Variants in HSD11B1 observed in about 807,000 individuals in gnomAD.
HSD11B1 encodes the protein 11-beta-hydroxysteroid dehydrogenase 1.
HSD11B1 carries 15 observed loss-of-function variants against 22.1 expected under a neutral mutation model. That is an observed-to-expected ratio of 0.68 (90% CI 0.45 to 1.04). The LOEUF (loss-of-function observed/expected upper bound fraction) is 1.04. Ranked by LOEUF, HSD11B1 falls within the 50% of genes least tolerant of loss-of-function variation. The probability of loss-of-function intolerance (pLI) is 0.00; values close to 1 mark genes in which losing one functional copy is unlikely to be tolerated. For missense variants in HSD11B1, 281 were observed against 357.6 expected (o/e 0.79, Z 1.73); for synonymous variants, 122 against 125.2 (o/e 0.97, Z 0.17).
chr1:209,697,893 T>TTC (rs1442552994), intron 1 of HSD11B1, among the ~76,000 whole-genome samples: 90 of 104,998 alleles, frequency 8.6e-4, no homozygotes, highest in African/African-American at 3.0e-3. Context: ...CCTTTTTTTT[T>TTC]TTTTTTTTTT....
At chr1:209,705,769 C>T (rs2076854838) in intron 1 of HSD11B1, 42 bp from the exon 2 acceptor site, 2 of 1,611,512 alleles carry the variant, frequency 1.2e-6, no homozygotes, top group African/African-American at 1.3e-5. Flanking sequence ...AATTTTGCTG[C>T]CAACTTGGGT....
intron 1 of HSD11B1, among the ~76,000 whole-genome samples, chr1:209,692,534 G>T (rs757674201): frequency 3.4e-5 from 5 of 146,524 alleles, no homozygotes; most frequent in South Asian, 2.1e-4. Flanking sequence ...GGCCAGGGTG[G>T]TCAGGCACCC....
intron 4 of HSD11B1, among the ~76,000 whole-genome samples, chr1:209,711,366 C>T (rs1053813729): frequency 6.6e-6 from 1 of 152,094 alleles, no homozygotes; most frequent in Non-Finnish European, 1.5e-5. Context: ...AGATTATGAA[C>T]GGGCCTCAGA....
In HSD11B1 at chr1:209,704,930, A is replaced by G; in HGVS notation, c.-13A>G. 6.2e-7 allele frequency: 1 copy of G among 1,610,974 alleles called. No homozygotes were observed. Among genetic ancestry groups the G allele is most frequent in the Middle Eastern group, 1.7e-4 (1 of 6,048 alleles). ...TGTGTCCTACAGGAGTCTTCAGGCC[A>G]GCTCCCTGTCGGATGGCTTTTATGA... On this transcript the variant is annotated 5_prime_UTR_variant, in exon 1 of 6. Transcript: ENST00000367027.
intron 4 of HSD11B1, among the ~76,000 whole-genome samples, chr1:209,709,132 G>C (rs2076878981): frequency 6.6e-6 from 1 of 152,142 alleles, no homozygotes; most frequent in Admixed American, 6.6e-5. Context: ...TTGATCTTAA[G>C]GTCAGCCAAA....
At chr1:209,719,019 CAA>C (rs56342028) in intron 4 of HSD11B1, among the ~76,000 whole-genome samples, 12 of 35,696 alleles carry the variant, frequency 3.4e-4, no homozygotes, top group African/African-American at 6.2e-4. Context: ...GACTCCATCT[CAA>C]AAAAAAAAAA....
intron 4 of HSD11B1, among the ~76,000 whole-genome samples, chr1:209,709,108 T>C (rs938370745): frequency 6.6e-6 from 1 of 152,236 alleles, no homozygotes; most frequent in Non-Finnish European, 1.5e-5. Context: ...AAATATGGGA[T>C]GCTAAACATC....
chr1:209,714,396 C>T (rs542551804), intron 4 of HSD11B1, among the ~76,000 whole-genome samples: 2 of 152,188 alleles, frequency 1.3e-5, no homozygotes, highest in South Asian at 2.1e-4. Context: ...GCTGTGCTCT[C>T]CTTAAAGGCA....
intron 4 of HSD11B1, among the ~76,000 whole-genome samples, chr1:209,727,631 G>A (rs905050745): frequency 9.9e-5 from 15 of 152,168 alleles, no homozygotes; most frequent in Non-Finnish European, 2.1e-4. Context: ...GTGTTCAAGA[G>A]TGTGGGCCAC....
At position 209,733,903 on chromosome 1, in the gene HSD11B1, C is replaced by T. The variant is rs1342025455; in HGVS notation, c.662-401C>T. ...CTCTTCCTTTTACAAGACAGTAAGT[C>T]ATTATCATACAGCACTCTGGTTTTT... On this transcript the variant is annotated intron_variant, in intron 5 of 5. Transcript: ENST00000367027. Among the ~76,000 whole-genome samples the T allele has an allele frequency of 5.3e-5, 8 of 152,160 alleles. No individual in the cohort carries two copies. The East Asian group carries it at 1.5e-3, about 29-fold the overall frequency.
rs758028477 is a variant in HSD11B1, at chr1:209,721,469, C to CAG, written c.518-10966_518-10965insGA. Among the ~76,000 whole-genome samples, 6 of 101,822 alleles carry CAG rather than the reference C, an allele frequency of 5.9e-5. No individual in the cohort carries two copies. The Admixed American group carries it at 6.0e-4, about 10-fold the overall frequency. 66.8% of individuals were successfully genotyped at this position (101,822 alleles called of 152,430 possible). On this transcript the variant is annotated intron_variant, in intron 4 of 5. Coordinates refer to ENST00000367027, the MANE Select transcript of HSD11B1 (RefSeq NM_005525.4). ...TTTAAGTTTGAAATTATTTCAAAAG[C>CAG]AAAAAAAAAAAAAAAAAATCCCCAT...
chr1:209,698,215 AT>A (rs2076805235), intron 1 of HSD11B1, among the ~76,000 whole-genome samples: 1 of 140,728 alleles, frequency 7.1e-6, no homozygotes. Context: ...AGATAGATAG[AT>A]AGGAAGGACA....
intron 1 of HSD11B1, among the ~76,000 whole-genome samples, chr1:209,689,328 T>A (rs1158835860): frequency 6.6e-6 from 1 of 152,142 alleles, no homozygotes; most frequent in Non-Finnish European, 1.5e-5. Context: ...CAGACATTGA[T>A]GTGTGGTTCC....
rs1455435289 is a variant in HSD11B1, at chr1:209,689,699, C to G, written c.-49+3414C>G. On this transcript the variant is annotated intron_variant, in intron 1 of 6. Transcript: ENST00000261465. ...CCATGTGATGTCTGCTCCTCTTGGACTTCTGCCATGAGTGGAAGCAGTCTA... is the reference window on the plus strand; with the variant it reads ...CCATGTGATGTCTGCTCCTCTTGGAGTTCTGCCATGAGTGGAAGCAGTCTA... 3.3e-5 allele frequency among the ~76,000 whole-genome samples: 5 copies of G among 152,202 alleles called. No homozygotes were observed. In the South Asian group the frequency reaches 6.2e-4, roughly 19 times the overall value.
intron 1 of HSD11B1, among the ~76,000 whole-genome samples, chr1:209,697,245 AT>A: frequency 6.6e-6 from 1 of 151,934 alleles, no homozygotes; most frequent in Non-Finnish European, 1.5e-5. Flanking sequence ...ACCTCTTTCT[AT>A]TTTCCCACAC....
chr1:209,713,288 T>C (rs923948183), intron 4 of HSD11B1, among the ~76,000 whole-genome samples: 1 of 152,222 alleles, frequency 6.6e-6, no homozygotes, highest in Admixed American at 6.5e-5. Flanking sequence ...TGGAAGGACA[T>C]TTTCCAAAAT....
intron 1 of HSD11B1, among the ~76,000 whole-genome samples, chr1:209,687,379 A>G (rs2076734496): frequency 6.6e-6 from 1 of 152,198 alleles, no homozygotes. Flanking sequence ...AAACAATCTC[A>G]CTTCTGCTGG....
chr1:209,733,834 G>A lies in HSD11B1; in HGVS notation c.662-470G>A, dbSNP rs115274655. On this transcript the variant is annotated intron_variant, in intron 5 of 5. Transcript: ENST00000367027. ...CATGAAAACTTGGAAGGGGAGAGAA[G>A]TGAAAGTGGTGACAAGGGAGCAAAA... Among the ~76,000 whole-genome samples the A allele has an allele frequency of 8.4e-3, 1,276 of 152,194 alleles. 12 individuals are homozygous for A. Among genetic ancestry groups the A allele is most frequent in the African/African-American group, 0.028 (1,161 of 41,536 alleles).
At chr1:209,700,055 G>A (rs1365631849), upstream of HSD11B1, among the ~76,000 whole-genome samples, 9 of 152,142 alleles carry the variant, frequency 5.9e-5, no homozygotes, top group Admixed American at 2.0e-4. Context: ...GAGTGTCTGC[G>A]GCTTTCCAAG....
Sources: allele counts gnomAD v4.1 joint callset (sites outside exome capture counted in the v4.1 genomes callset), GRCh38; gene constraint gnomAD v4.1.1; transcripts MANE v1.5; gene names NCBI Gene and HGNC (gene_info 2026-07-23, HGNC 2026-07-21).